ROCK1: variants seen among roughly 807,000 people sequenced by gnomAD.
ROCK1 encodes the protein rho-associated protein kinase 1.
ROCK1 carries 36 observed loss-of-function variants against 196.8 expected under a neutral mutation model. The observed-to-expected ratio is 0.18, with a 90% CI of 0.14 to 0.24. The LOEUF is 0.24. Among genes scored for constraint, ROCK1 ranks in the 10% least tolerant of loss-of-function variants. The probability of loss-of-function intolerance (pLI) is 1.00; values close to 1 mark genes in which losing one functional copy is unlikely to be tolerated. For synonymous variants in ROCK1, 443 were observed against 515.9 expected, an observed-to-expected ratio of 0.86 and a Z score of 1.91; for missense variants, 920 against 1,562.0, an observed-to-expected ratio of 0.59 and a Z score of 6.93.
intron 26 of ROCK1, 142 bp downstream of exon 26, chr18:20,967,610 C>A: frequency 1.7e-6 from 1 of 585,366 alleles, no homozygotes; most frequent in Non-Finnish European, 2.9e-6. Flanking sequence ...ACAGCCATAT[C>A]CCAATTTCAG....
chr18:20,971,336 A>ACACACC (rs2035425140), intron 22 of ROCK1, among the ~76,000 whole-genome samples: 1 of 89,006 alleles, frequency 1.1e-5, no homozygotes, highest in Non-Finnish European at 2.3e-5. Context: ...ACACACACAC[A>ACACACC]CACACACATA....
At chr18:21,015,357 T>C (rs2035853861) in intron 13 of ROCK1, 74 bp downstream of exon 13, 1 of 1,000,660 alleles carries the variant, frequency 1.0e-6, no homozygotes, top group Non-Finnish European at 1.5e-6. Context: ...CAAATACAAT[T>C]TTCTCAGGAA....
intron 24 of ROCK1, 39 bp from the exon 25 acceptor site, chr18:20,968,899 AATTT>A: frequency 6.1e-6 from 8 of 1,317,586 alleles, no homozygotes; most frequent in Non-Finnish European, 8.7e-6. Context: ...GTATGGTATT[AATTT>A]AATTTCTGCA....
At position 21,108,086 on chromosome 18, in the gene ROCK1, C is replaced by A. The variant is rs559576426; in HGVS notation, c.93+2732G>T. Among the ~76,000 whole-genome samples, 3 of 151,952 alleles carry A rather than the reference C, an allele frequency of 2.0e-5. No individual in the cohort carries two copies. In the South Asian group the frequency reaches 6.2e-4, roughly 32 times the overall value. ...AAAAAAAGGAAAATTCAGTCTTTAC[C>A]AAGTTCAGATTGACGGGGTAATAAA... On this transcript the variant is annotated intron_variant, in intron 1 of 32. Coordinates refer to ENST00000399799, the MANE Select transcript of ROCK1 (RefSeq NM_005406.3).
intron 1 of ROCK1, among the ~76,000 whole-genome samples, chr18:21,090,503 T>A (rs1218762160): frequency 6.6e-6 from 1 of 152,154 alleles, no homozygotes; most frequent in African/African-American, 2.4e-5. Flanking sequence ...AAACAACACA[T>A]TATTGGCTTT....
chr18:20,962,707 G>A (rs2035338447), intron 27 of ROCK1, among the ~76,000 whole-genome samples: 1 of 152,078 alleles, frequency 6.6e-6, no homozygotes, highest in African/African-American at 2.4e-5. Context: ...GAGGGTCAGG[G>A]AGAAAATAAA....
At chr18:21,018,304 T>TG (rs1436826147) in intron 12 of ROCK1, among the ~76,000 whole-genome samples, 1 of 151,960 alleles carries the variant, frequency 6.6e-6, no homozygotes, top group Non-Finnish European at 1.5e-5. Flanking sequence ...CTGAGGTGGG[T>TG]GGATCACCTG....
chr18:21,084,806 A>G (rs544242893), intron 1 of ROCK1, among the ~76,000 whole-genome samples: 4 of 152,350 alleles, frequency 2.6e-5, no homozygotes, highest in Admixed American at 6.5e-5. Context: ...TTGTACACCA[A>G]TGTTCACAGC....
intron 2 of ROCK1, among the ~76,000 whole-genome samples, chr18:21,070,270 C>T (rs566461148): frequency 5.3e-4 from 81 of 152,234 alleles, no homozygotes; most frequent in African/African-American, 1.9e-3. Context: ...GTTACTCAAA[C>T]TCAATGTGCA....
In ROCK1 at chr18:20,982,835, TC is replaced by T; in HGVS notation, c.2490-4del. The T allele has an allele frequency of 6.7e-7, 1 of 1,482,554 alleles. No homozygotes were observed. Among genetic ancestry groups the T allele is most frequent in the Non-Finnish European group, 9.3e-7 (1 of 1,070,236 alleles). The allele number at this position is 1,482,554 out of a possible 1,614,324, so 91.8% of individuals were successfully genotyped here. A position where few individuals can be genotyped will look rare whatever the true frequency, so the allele number is the denominator to read the frequency against. ...GTCCTTCATTTCCTCTATACTGTCTTCAGATGAAAAGAAAAACAAGTGAACA... is the reference window on the plus strand; with the variant it reads ...GTCCTTCATTTCCTCTATACTGTCTTAGATGAAAAGAAAAACAAGTGAACA... On this transcript the variant is annotated splice_region_variant and splice_polypyrimidine_tract_variant and intron_variant, in intron 20 of 32. Coordinates refer to ENST00000399799, the MANE Select transcript of ROCK1 (RefSeq NM_005406.3).
Position 20,947,656 on chromosome 18 carries a change from A to T in ROCK1, c.*3728T>A, listed in dbSNP as rs970619881. On this transcript the variant is annotated 3_prime_UTR_variant, in exon 33 of 33. Transcript: ENST00000399799. The stretch of plus-strand genomic sequence containing the variant: ...AACATAATCTCATCGGATTGTCATT[A>T]TATGACTATTTATTAACCTAATGAT... 8 of 152,224 alleles carry T rather than the reference A, an allele frequency of 5.3e-5. No homozygotes were observed. The highest frequency in any genetic ancestry group is 9.6e-5 in the African/African-American group (4 of 41,470). The allele number at this position is 152,224 out of a possible 1,614,324, so 9.4% of individuals were successfully genotyped here.
intron 16 of ROCK1, among the ~76,000 whole-genome samples, chr18:20,997,349 T>C (rs2035680731): frequency 6.6e-6 from 1 of 152,188 alleles, no homozygotes; most frequent in South Asian, 2.1e-4. Flanking sequence ...GCAGTTATAC[T>C]TGTATCAGAC....
At chr18:21,086,458 T>C (rs898419756) in intron 1 of ROCK1, among the ~76,000 whole-genome samples, 1 of 152,168 alleles carries the variant, frequency 6.6e-6, no homozygotes, top group African/African-American at 2.4e-5. Flanking sequence ...TTCTTAAAAT[T>C]CTTATACAAA....
intron 9 of ROCK1, among the ~76,000 whole-genome samples, chr18:21,037,901 C>T (rs1019912249): frequency 2.0e-5 from 3 of 152,034 alleles, no homozygotes; most frequent in African/African-American, 4.8e-5. Flanking sequence ...ACTAAATTAC[C>T]TCCTCTTTCA....
chr18:20,953,337 T>A, intron 32 of ROCK1: 1 of 355,092 alleles, frequency 2.8e-6, no homozygotes, highest in Non-Finnish European at 5.1e-6. Flanking sequence ...CTATGCCATG[T>A]ACAGCAACTT....
chr18:21,107,464 A>G (rs2036712506), intron 1 of ROCK1, among the ~76,000 whole-genome samples: 2 of 152,242 alleles, frequency 1.3e-5, no homozygotes, highest in African/African-American at 4.8e-5. Flanking sequence ...GTGGCACATA[A>G]TACACACTAA....
At position 21,019,645 on chromosome 18, in the gene ROCK1, A is replaced by T. The variant is rs577919392; in HGVS notation, c.1361+506T>A. ...CGTCTCTACTAAAAATACAAAAAAAAAAATTAGCCAGGTGTGGTGGCGGGC... is the reference window on the plus strand; with the variant it reads ...CGTCTCTACTAAAAATACAAAAAAATAAATTAGCCAGGTGTGGTGGCGGGC... On this transcript the variant is annotated intron_variant, in intron 12 of 32. Transcript: ENST00000399799. Among the ~76,000 whole-genome samples, 97 of 151,986 alleles carry T rather than the reference A, an allele frequency of 6.4e-4. No individual in the cohort carries two copies. The Middle Eastern group carries it at 0.014, about 21-fold the overall frequency.
chr18:21,035,930 T>C (rs2036053285), intron 9 of ROCK1, among the ~76,000 whole-genome samples: 1 of 152,182 alleles, frequency 6.6e-6, no homozygotes, highest in South Asian at 2.1e-4. Flanking sequence ...AGAGTTACTA[T>C]TTAAGAGTTT....
intron 12 of ROCK1, 36 bp from the exon 13 acceptor site, chr18:21,015,515 C>T (rs769785557): frequency 1.7e-4 from 214 of 1,293,370 alleles, no homozygotes; most frequent in Non-Finnish European, 2.3e-4. Flanking sequence ...TAGAAATATA[C>T]GTATTTCTTA....
Sources: gnomAD v4.1 joint callset for allele counts (sites outside exome capture counted in the v4.1 genomes callset) on GRCh38, gnomAD v4.1.1 for gene constraint, MANE v1.5 for transcripts, NCBI Gene and HGNC (gene_info 2026-07-23, HGNC 2026-07-21) for gene names.